Variants in PTPRS observed in about 807,000 individuals in gnomAD.
PTPRS encodes protein tyrosine phosphatase receptor type S, also known as receptor-type tyrosine-protein phosphatase S.
PTPRS carries 63 observed loss-of-function variants against 215.3 expected under a neutral mutation model. That is an observed-to-expected ratio of 0.29 (90% CI 0.24 to 0.36). PTPRS has a LOEUF of 0.36. Among genes scored for constraint, PTPRS ranks in the 10% least tolerant of loss-of-function variants. The probability of loss-of-function intolerance (pLI) is 1.00; values close to 1 mark genes in which losing one functional copy is unlikely to be tolerated. For missense variants in PTPRS, 2,258 were observed against 2,825.8 expected, an observed-to-expected ratio of 0.80 and a Z score of 4.56; for synonymous variants, 1,404 against 1,191.4, an observed-to-expected ratio of 1.18 and a Z score of -3.68.
chr19:5,245,512 C>A (rs1194500275), intron 10 of PTPRS, among the ~76,000 whole-genome samples: 1 of 151,672 alleles, frequency 6.6e-6, no homozygotes, highest in Non-Finnish European at 1.5e-5. Context: ...AGGCTGGTCT[C>A]AAAGTCCTGG....
Position 5,293,894 on chromosome 19 carries a change from G to A in PTPRS, c.-94-7660C>T, listed in dbSNP as rs1302719456. 1.3e-5 allele frequency among the ~76,000 whole-genome samples: 2 copies of A among 152,166 alleles called. No homozygotes were observed. Among genetic ancestry groups the A allele is most frequent in the Admixed American group, 6.5e-5 (1 of 15,284 alleles). On this transcript the variant is annotated intron_variant, in intron 1 of 37. Transcript: ENST00000262963. The surrounding 1 kb of genome is among the most constrained non-coding windows in gnomAD (Gnocchi z 8.4). ...GGCCAGATTGGAAACAGATGGGGCCGCCGTGCCAGGCCCGCGACACCGGAG... is the reference window on the plus strand; with the variant it reads ...GGCCAGATTGGAAACAGATGGGGCCACCGTGCCAGGCCCGCGACACCGGAG...
chr19:5,212,392 G>C lies in PTPRS; in HGVS notation c.4714C>G (p.Arg1572Gly), dbSNP rs558410776. The change falls in exon 31 of 38, where the codon CGG becomes GGG. Residue 1572 changes from arginine to glycine, a missense_variant. Around this residue, in one of 6 missense-constraint regions of PTPRS, gnomAD observed 927 missense variants for 1,125.9 expected, o/e 0.82. Coordinates refer to ENST00000262963, the MANE Select transcript of PTPRS (RefSeq NM_002850.4). ...EYPTPFLAFL[R>G]RVKTCNPPDA... ...GGCGGGTTGCAGGTCTTGACTCTCC[G>C]CAGGAAAGCCAGGAAGGGCGTTGGG... The C allele has an allele frequency of 1.9e-6, 3 of 1,607,382 alleles. No homozygotes were observed. In the South Asian group the frequency reaches 3.3e-5, roughly 18 times the overall value.
At chr19:5,335,757 T>C (rs1427364437) in intron 1 of PTPRS, among the ~76,000 whole-genome samples, 3 of 151,830 alleles carry the variant, frequency 2.0e-5, no homozygotes, top group Non-Finnish European at 4.4e-5. Context: ...GTCCCCATGA[T>C]CCAAAAATCC....
At chr19:5,317,348 T>G (rs1417835171) in intron 1 of PTPRS, among the ~76,000 whole-genome samples, 6 of 152,178 alleles carry the variant, frequency 3.9e-5, no homozygotes, top group Admixed American at 6.5e-5. Context: ...GGCACGCGCC[T>G]GTAATCCCAA....
At chr19:5,231,182 G>T in intron 14 of PTPRS, 128 bp downstream of exon 14, 1 of 1,034,904 alleles carries the variant, frequency 9.7e-7, no homozygotes, top group Non-Finnish European at 1.4e-6. Flanking sequence ...GAGGCTGCTT[G>T]CTTCCCGACT....
In PTPRS at chr19:5,257,810, G is replaced by A. The variant is rs906021380; in HGVS notation, c.706+207C>T. Among the ~76,000 whole-genome samples the A allele has an allele frequency of 6.6e-6, 1 of 152,230 alleles. No homozygotes were observed. The highest frequency in any genetic ancestry group is 6.5e-5 in the Admixed American group (1 of 15,290). ...GCATCTCTCGCAAGGCACGAGGAAG[G>A]GAATTTAAGCTGCCCCCATTCTACA... On this transcript the variant is annotated intron_variant, in intron 8 of 37. Coordinates refer to ENST00000262963, the MANE Select transcript of PTPRS (RefSeq NM_002850.4). This position sits in a 1 kb window ranked among gnomAD's most constrained non-coding sequence, Gnocchi z 4.4.
chr19:5,211,839 G>A (rs1422941564), intron 32 of PTPRS, 71 bp from the exon 33 acceptor site: 6 of 1,586,142 alleles, frequency 3.8e-6, no homozygotes, highest in Non-Finnish European at 5.2e-6. Flanking sequence ...GAGCACCAAT[G>A]GTGGATAGGT....
chr19:5,229,467 G>A, intron 15 of PTPRS, 24 bp downstream of exon 15: 1 of 1,393,202 alleles, frequency 7.2e-7, no homozygotes, highest in Non-Finnish European at 9.3e-7. Context: ...CCCGTCCCCG[G>A]CCCCGCCCCG....
intron 18 of PTPRS, among the ~76,000 whole-genome samples, chr19:5,222,422 G>A (rs1032624148): frequency 1.5e-4 from 23 of 151,356 alleles, no homozygotes; most frequent in East Asian, 5.9e-4. Context: ...GAGACGGCAC[G>A]GGTGCAGAGG....
chr19:5,244,088 G>A lies in PTPRS; in HGVS notation c.1383C>T (p.Arg461=), dbSNP rs766960726. ...GCTCCGGTTCCATGGTGTAGTAGAC[G>A]CGGTAGCCGCGGATCAGGCCGTTGG... ...VEPNGLIRGY[R]VYYTMEPEHP... Residue 461 remains arginine, a synonymous_variant, in exon 11 of 38, where the codon CGC becomes CGT. Transcript: ENST00000262963. The surrounding 1 kb of genome is among the most constrained non-coding windows in gnomAD (Gnocchi z 7.2). The A allele has an allele frequency of 1.6e-5, 25 of 1,609,836 alleles. No homozygotes were observed. Among genetic ancestry groups the A allele is most frequent in the East Asian group, 4.5e-5 (2 of 44,858 alleles).
intron 2 of PTPRS, among the ~76,000 whole-genome samples, chr19:5,283,441 G>C (rs1158751682): frequency 1.3e-5 from 2 of 152,122 alleles, no homozygotes; most frequent in Non-Finnish European, 2.9e-5. Context: ...GCAGGGCATG[G>C]TGGCGGGTGC....
At chr19:5,334,135 G>A (rs56032639) in intron 1 of PTPRS, among the ~76,000 whole-genome samples, 6,557 of 152,294 alleles carry the variant, frequency 0.043, 168 homozygotes, top group East Asian at 0.078. Context: ...CAGTCCTGCC[G>A]CAGAAGTGGG....
rs540591447 is a variant in PTPRS, at chr19:5,211,940, A to G, written c.5055+25T>C. On this transcript the variant is annotated intron_variant, in intron 32 of 37. Coordinates refer to ENST00000262963, the MANE Select transcript of PTPRS (RefSeq NM_002850.4). ...TTTGGGCCTCCTCCCCACCCCGCCC[A>G]CAGCAGCCTCCACCCCGCTGGCACC... 8.7e-5 allele frequency: 135 copies of G among 1,559,256 alleles called. 1 individual carries two copies. The South Asian group carries it at 1.5e-3, about 17-fold the overall frequency.
rs757347495 is a variant in PTPRS, at chr19:5,229,485, G to A, written c.2349+6C>T. 7.8e-6 allele frequency: 10 copies of A among 1,287,088 alleles called. No homozygotes were observed. In the South Asian group the frequency reaches 1.1e-4, roughly 15 times the overall value. 79.7% of individuals were successfully genotyped at this position (1,287,088 alleles called of 1,614,324 possible). A position where few individuals can be genotyped will look rare whatever the true frequency, so the allele number is the denominator to read the frequency against. On this transcript the variant is annotated splice_donor_region_variant and intron_variant, in intron 15 of 37. Coordinates refer to ENST00000262963, the MANE Select transcript of PTPRS (RefSeq NM_002850.4). ...GTCCCCGGCCCCGCCCCGGCCCCCC[G>A]CCCACCTGGGCATCGGCCAGCATGA...
In PTPRS at chr19:5,229,544, C is replaced by T. The variant is rs780989941; in HGVS notation, c.2296G>A (p.Ala766Thr). Residue 766 changes from alanine to threonine, a missense_variant, in exon 15 of 38, where the codon GCC becomes ACC. Physicochemically the swap from Ala to Thr is moderately conservative, Grantham distance 58. This residue lies in a region of PTPRS where 371 missense variants were observed against 446.7 expected (regional missense o/e 0.83). Coordinates refer to ENST00000262963, the MANE Select transcript of PTPRS (RefSeq NM_002850.4). The part of the protein sequence containing the change: ...YQVHYVRMEG[A>T]EARGPPRIKD... ...ATGCGCGGCGGCCCGCGGGCCTCGG[C>T]GCCCTCCATGCGCACGTAGTGGACC... 29 of 1,464,354 alleles carry T rather than the reference C, an allele frequency of 2.0e-5. 1 individual carries two copies. The highest frequency in any genetic ancestry group is 1.9e-4 in the South Asian group (14 of 75,176). 90.7% of individuals were successfully genotyped at this position (1,464,354 alleles called of 1,614,324 possible).
chr19:5,218,316 A>ATG, intron 25 of PTPRS, 104 bp downstream of exon 25: 1 of 889,180 alleles, frequency 1.1e-6, no homozygotes, highest in Non-Finnish European at 1.8e-6. Context: ...CACCAAGCAT[A>ATG]GTTCAGAGGG....
intron 1 of PTPRS, among the ~76,000 whole-genome samples, chr19:5,327,382 C>T (rs2050198239): frequency 6.6e-6 from 1 of 152,188 alleles, no homozygotes; most frequent in Non-Finnish European, 1.5e-5. Context: ...GAGACAGCCT[C>T]ACCCCCATTT....
At chr19:5,326,425 T>C (rs1042958081) in intron 1 of PTPRS, among the ~76,000 whole-genome samples, 1 of 152,212 alleles carries the variant, frequency 6.6e-6, no homozygotes, top group African/African-American at 2.4e-5. Flanking sequence ...ACCACATTTA[T>C]TTTTAAGGTT....
At chr19:5,250,664 T>C (rs922163457) in intron 9 of PTPRS, among the ~76,000 whole-genome samples, 2 of 9,620 alleles carry the variant, frequency 2.1e-4, no homozygotes, top group Non-Finnish European at 2.1e-4. Flanking sequence ...GGCGGTGGGG[T>C]GGGGGGGTGG....
Sources: allele counts gnomAD v4.1 joint callset (sites outside exome capture counted in the v4.1 genomes callset), GRCh38; gene constraint gnomAD v4.1.1; regional missense constraint gnomAD v4.1.1; non-coding constraint Gnocchi (gnomAD v3.1); transcripts MANE v1.5; gene names NCBI Gene and HGNC (gene_info 2026-07-23, HGNC 2026-07-21).